CAB39L: variants seen among roughly 807,000 people sequenced by gnomAD.
CAB39L encodes calcium-binding protein 39-like.
In CAB39L, 23 loss-of-function variants were observed where a neutral mutation model predicts 39.1. The observed-to-expected ratio is 0.59, with a 90% CI of 0.42 to 0.83. The LOEUF (loss-of-function observed/expected upper bound fraction) is 0.83, where lower values mean the gene tolerates loss of function less well. Ranked by LOEUF, CAB39L falls within the 40% of genes least tolerant of loss-of-function variation. CAB39L has a pLI of 0.00. For missense variants in CAB39L, 366 were observed against 391.9 expected, an observed-to-expected ratio of 0.93 and a Z score of 0.56; for synonymous variants, 126 against 137.2, an observed-to-expected ratio of 0.92 and a Z score of 0.57.
At chr13:49,419,750 G>T (rs1405462590) in intron 3 of CAB39L, among the ~76,000 whole-genome samples, 30 of 152,096 alleles carry the variant, frequency 2.0e-4, no homozygotes. Flanking sequence ...AGAGATGGTG[G>T]ATCTAGAAAA....
intron 5 of CAB39L, among the ~76,000 whole-genome samples, chr13:49,373,342 A>G (rs912795927): frequency 2.6e-5 from 4 of 152,236 alleles, no homozygotes; most frequent in African/African-American, 7.2e-5. Flanking sequence ...AAAAAAGCCA[A>G]TCAAGGTATC....
intron 10 of CAB39L, among the ~76,000 whole-genome samples, chr13:49,321,642 G>A (rs985808643): frequency 2.0e-5 from 3 of 152,158 alleles, no homozygotes; most frequent in Admixed American, 6.5e-5. Context: ...GGCAGTGACC[G>A]ACTATTTCGT....
chr13:49,342,490 T>G (rs1955034486), intron 8 of CAB39L, among the ~76,000 whole-genome samples: 1 of 152,220 alleles, frequency 6.6e-6, no homozygotes, highest in South Asian at 2.1e-4. Flanking sequence ...TTAGAACTTC[T>G]TGGTTTAGGC....
At chr13:49,335,898 C>G (rs140365040) in intron 9 of CAB39L, among the ~76,000 whole-genome samples, 29 of 152,230 alleles carry the variant, frequency 1.9e-4, no homozygotes, top group Non-Finnish European at 3.4e-4. Context: ...ACTTTGGAAT[C>G]AGAAAATAGC....
At chr13:49,442,008 C>T (rs1957533499) in intron 1 of CAB39L, among the ~76,000 whole-genome samples, 1 of 152,160 alleles carries the variant, frequency 6.6e-6, no homozygotes, top group South Asian at 2.1e-4. Context: ...AAGGTTTCTC[C>T]TTGTTTTGCA....
intron 5 of CAB39L, among the ~76,000 whole-genome samples, chr13:49,369,474 A>G (rs1955857278): frequency 6.6e-6 from 1 of 152,218 alleles, no homozygotes; most frequent in African/African-American, 2.4e-5. Flanking sequence ...CTACATATAT[A>G]TGATTCTGTT....
intron 4 of CAB39L, among the ~76,000 whole-genome samples, chr13:49,381,639 C>T (rs1264363778): frequency 1.3e-5 from 2 of 152,170 alleles, no homozygotes; most frequent in African/African-American, 4.8e-5. Flanking sequence ...TTGCTTCTTT[C>T]ATTCAACATT....
chr13:49,409,376 CTG>C (rs1265282050), intron 3 of CAB39L, among the ~76,000 whole-genome samples: 2 of 151,242 alleles, frequency 1.3e-5, no homozygotes, highest in Non-Finnish European at 2.9e-5. Flanking sequence ...ACGTATATTA[CTG>C]TTTCCAAGTG....
At position 49,436,553 on chromosome 13, in the gene CAB39L, C is replaced by CTTTTTTTTTTTTTTTTTTTTTTTT. The variant is rs57141770; in HGVS notation, c.-245-2354_-245-2331dup. On this transcript the variant is annotated intron_variant, in intron 1 of 10. Transcript: ENST00000409308. ...TTTAGCTTCATTTCTTTCTTTATGA[C>CTTTTTTTTTTTTTTTTTTTTTTTT]TTTTTTTTTTTTTTTTTTTTTTTTT... Among the ~76,000 whole-genome samples the CTTTTTTTTTTTTTTTTTTTTTTTT allele has an allele frequency of 2.7e-5, 2 of 73,428 alleles. 1 individual carries two copies. Among genetic ancestry groups the CTTTTTTTTTTTTTTTTTTTTTTTT allele is most frequent in the African/African-American group, 1.2e-4 (2 of 16,798 alleles). 48.2% of individuals were successfully genotyped at this position (73,428 alleles called of 152,430 possible). A position where few individuals can be genotyped will look rare whatever the true frequency, so the allele number is the denominator to read the frequency against.
chr13:49,442,808 A>ACC, intron 1 of CAB39L, among the ~76,000 whole-genome samples: 2 of 149,424 alleles, frequency 1.3e-5, no homozygotes, highest in South Asian at 4.2e-4. Flanking sequence ...AAAAAAAAAA[A>ACC]AAAAAAAAAA....
At chr13:49,374,136 G>A (rs1294638072) in intron 5 of CAB39L, among the ~76,000 whole-genome samples, 4 of 152,072 alleles carry the variant, frequency 2.6e-5, no homozygotes, top group Non-Finnish European at 4.4e-5. Context: ...GAAGGATAAC[G>A]GCTGCATCTA....
chr13:49,323,441 A>G (rs9535201), intron 10 of CAB39L, among the ~76,000 whole-genome samples: 33,277 of 152,120 alleles, frequency 0.22, 3,759 homozygotes, highest in African/African-American at 0.26. Context: ...GACAAATACT[A>G]CAGCCATTCA....
chr13:49,378,537 G>T (rs1333089496), intron 4 of CAB39L, among the ~76,000 whole-genome samples: 1 of 57,616 alleles, frequency 1.7e-5, no homozygotes, highest in African/African-American at 9.3e-5. Flanking sequence ...GGAGGGAGAT[G>T]GGGGGGTCAG....
intron 10 of CAB39L, among the ~76,000 whole-genome samples, chr13:49,329,991 G>A (rs1403698728): frequency 1.3e-5 from 2 of 152,186 alleles, no homozygotes; most frequent in East Asian, 1.9e-4. Context: ...GGGGCTAAAC[G>A]TGAATCTTGA....
rs747627936 is a variant in CAB39L, at chr13:49,392,621, G to A, written c.-31-9680C>T. On this transcript the variant is annotated intron_variant, in intron 3 of 10. Coordinates refer to ENST00000409308, the MANE Select transcript of CAB39L (RefSeq NM_001079670.3). The stretch of plus-strand genomic sequence containing the variant: ...GTACCACTGTACTTCCAGCCTGGGC[G>A]ACAGAGCAAGACTCTGTCTCAAAAA... 5.3e-5 allele frequency among the ~76,000 whole-genome samples: 8 copies of A among 151,904 alleles called. No individual in the cohort carries two copies. In the South Asian group the frequency reaches 6.2e-4, roughly 12 times the overall value.
chr13:49,416,509 A>G (rs1200725686), intron 3 of CAB39L, among the ~76,000 whole-genome samples: 1 of 152,198 alleles, frequency 6.6e-6, no homozygotes, highest in Non-Finnish European at 1.5e-5. Flanking sequence ...GTGAGTGGAA[A>G]GCCACAGTTT....
At chr13:49,335,055 CT>C (rs1319972608) in intron 9 of CAB39L, among the ~76,000 whole-genome samples, 1 of 152,142 alleles carries the variant, frequency 6.6e-6, no homozygotes, top group African/African-American at 2.4e-5. Flanking sequence ...TTCCTAGATG[CT>C]TATATTTCAA....
At chr13:49,438,316 T>A (rs1957450032) in intron 1 of CAB39L, among the ~76,000 whole-genome samples, 1 of 152,230 alleles carries the variant, frequency 6.6e-6, no homozygotes, top group Non-Finnish European at 1.5e-5. Flanking sequence ...TTCTACAATG[T>A]CAGACCATGT....
At chr13:49,440,544 T>C (rs1957493845) in intron 1 of CAB39L, among the ~76,000 whole-genome samples, 1 of 152,078 alleles carries the variant, frequency 6.6e-6, no homozygotes, top group East Asian at 1.9e-4. Context: ...TCAGTAGCAC[T>C]GAATGTGTAG....
Sources: gnomAD v4.1 joint callset for allele counts (sites outside exome capture counted in the v4.1 genomes callset) on GRCh38, gnomAD v4.1.1 for gene constraint, MANE v1.5 for transcripts, NCBI Gene and HGNC (gene_info 2026-07-23, HGNC 2026-07-21) for gene names.